The following SRGAP3 variants were observed in gnomAD, a reference collection of about 807,000 sequenced individuals.
SRGAP3 encodes the protein SLIT-ROBO Rho GTPase-activating protein 3.
In SRGAP3, 39 loss-of-function variants were observed where a neutral mutation model predicts 121.1. The ratio of observed to expected loss-of-function variants is 0.32; its 90% CI spans 0.25 to 0.42. The LOEUF is 0.42. SRGAP3 is among the 10% of genes least tolerant of loss of function. SRGAP3 has a pLI of 1.00. For missense variants in SRGAP3, 1,213 were observed against 1,470.6 expected (o/e 0.82, Z 2.86); for synonymous variants, 601 against 570.0 (o/e 1.05, Z -0.77).
chr3:9,028,130 T>C, intron 12 of SRGAP3: 1 of 1,614,146 alleles, frequency 6.2e-7, no homozygotes, highest in South Asian at 1.1e-5. Context: ...TTCTTCTTCC[T>C]CTGATAACAA....
intron 1 of SRGAP3, among the ~76,000 whole-genome samples, chr3:9,201,290 T>G (rs1952060601): frequency 6.6e-6 from 1 of 152,128 alleles, no homozygotes; most frequent in Non-Finnish European, 1.5e-5. Context: ...AAAGGGACTG[T>G]AAGCTCCTCC....
chr3:9,119,320 A>T (rs1345353063), intron 2 of SRGAP3, among the ~76,000 whole-genome samples: 3 of 152,156 alleles, frequency 2.0e-5, no homozygotes, highest in Admixed American at 2.0e-4. Context: ...CTGGAGAGCT[A>T]TACCCACATG....
At chr3:9,273,626 T>C (rs1334717959) in intron 3 of SRGAP3, among the ~76,000 whole-genome samples, 1 of 152,228 alleles carries the variant, frequency 6.6e-6, no homozygotes, top group Admixed American at 6.5e-5. Flanking sequence ...TCTTTTGCTG[T>C]CTGTGCTTTT....
At position 9,333,097 on chromosome 3, in the gene SRGAP3, C is replaced by T. The variant is rs149841503; in HGVS notation, n.215-2501G>A. On this transcript the variant is annotated intron_variant and non_coding_transcript_variant, in intron 1 of 3. Transcript: ENST00000490889. Reference sequence around the variant, plus strand: ...TTTTATAAAAACCAGAATATTATCACAGATTAATCAAATTATTAAATTAAA... The same window carrying T: ...TTTTATAAAAACCAGAATATTATCATAGATTAATCAAATTATTAAATTAAA... 3.0e-3 allele frequency among the ~76,000 whole-genome samples: 459 copies of T among 152,274 alleles called. 2 individuals carry two copies. Among genetic ancestry groups the T allele is most frequent in the African/African-American group, 0.01 (436 of 41,542 alleles).
rs777305742 is a variant in SRGAP3, at chr3:9,053,133, C to T, written c.1217G>A (p.Arg406Gln). Residue 406 changes from arginine to glutamine, a missense_variant, in exon 9 of 22, where the codon CGA becomes CAA. Coordinates refer to ENST00000383836, the MANE Select transcript of SRGAP3 (RefSeq NM_014850.4). ...AGCCGACTTGACGGACTCTGTCGAT[C>T]GACTGTGTTGGAAGGCATCGGAGAC... ...FDVSDAFQHS[R>Q]STESVKSAAS... 27 of 1,614,180 alleles carry T rather than the reference C, an allele frequency of 1.7e-5. No individual in the cohort carries two copies. The East Asian group carries it at 4.7e-4, about 28-fold the overall frequency.
intron 21 of SRGAP3, among the ~76,000 whole-genome samples, chr3:8,986,292 A>G (rs1275865949): frequency 6.6e-6 from 1 of 152,192 alleles, no homozygotes; most frequent in Non-Finnish European, 1.5e-5. Context: ...TAAATGGCAG[A>G]TAATTATAAT....
chr3:9,141,567 TGTGTGTGTGTG>T (rs1489175410), intron 1 of SRGAP3, among the ~76,000 whole-genome samples: 3 of 148,814 alleles, frequency 2.0e-5, no homozygotes, highest in African/African-American at 7.6e-5. Context: ...TGTGTGTGTG[TGTGTGTGTGTG>T]TGTGTGTGTG....
intron 3 of SRGAP3, among the ~76,000 whole-genome samples, chr3:9,310,807 T>C (rs1469748811): frequency 6.6e-6 from 1 of 152,230 alleles, no homozygotes; most frequent in African/African-American, 2.4e-5. Context: ...TAGAAGGTGA[T>C]AATTCCCTTG....
intron 15 of SRGAP3, 108 bp from the exon 16 acceptor site, chr3:9,013,950 G>T: frequency 2.1e-6 from 2 of 975,270 alleles, no homozygotes; most frequent in Non-Finnish European, 3.2e-6. Flanking sequence ...GGGGGAGCCA[G>T]CTCTACTCTT....
chr3:9,351,165 C>T (rs2030121133), intron 1 of SRGAP3, among the ~76,000 whole-genome samples: 1 of 152,154 alleles, frequency 6.6e-6, no homozygotes, highest in African/African-American at 2.4e-5. Flanking sequence ...CTGCCACATT[C>T]TAGGGGGTCA....
intron 3 of SRGAP3, among the ~76,000 whole-genome samples, chr3:9,260,732 CTT>C (rs1458557789): frequency 1.3e-5 from 2 of 152,222 alleles, no homozygotes; most frequent in African/African-American, 4.8e-5. Flanking sequence ...CTTCAACAGA[CTT>C]AAACGTTCCT....
chr3:9,116,956 T>C (rs1948827043), intron 2 of SRGAP3, among the ~76,000 whole-genome samples: 1 of 152,330 alleles, frequency 6.6e-6, no homozygotes, highest in South Asian at 2.1e-4. Flanking sequence ...GTACAGCACT[T>C]GGTCCACGGT....
At chr3:9,277,082 A>G (rs746218809) in intron 3 of SRGAP3, among the ~76,000 whole-genome samples, 2 of 152,202 alleles carry the variant, frequency 1.3e-5, no homozygotes, top group African/African-American at 4.8e-5. Context: ...AATAATACCT[A>G]TTATAAAAGA....
chr3:9,085,624 A>C (rs1947429743), intron 3 of SRGAP3, among the ~76,000 whole-genome samples: 2 of 152,360 alleles, frequency 1.3e-5, no homozygotes, highest in Middle Eastern at 3.4e-3. Context: ...ATGGAATACT[A>C]TGCAGCCATA....
At chr3:9,344,962 G>C (rs1955858061) in intron 1 of SRGAP3, among the ~76,000 whole-genome samples, 1 of 151,996 alleles carries the variant, frequency 6.6e-6, no homozygotes, top group Admixed American at 6.6e-5. Context: ...ACTTGAACCT[G>C]GGAGACAGAG....
chr3:8,997,105 A>T (rs1942453859), intron 18 of SRGAP3, among the ~76,000 whole-genome samples: 1 of 152,242 alleles, frequency 6.6e-6, no homozygotes, highest in Admixed American at 6.5e-5. Flanking sequence ...TGGTGGAAAC[A>T]GTAATAACAG....
chr3:8,985,655 G>C lies in SRGAP3; in HGVS notation c.3164C>G (p.Pro1055Arg), dbSNP rs774821295. 2 of 1,595,678 alleles carry C rather than the reference G, an allele frequency of 1.3e-6. No homozygotes were observed. The highest frequency in any genetic ancestry group is 3.3e-5 in the Admixed American group (2 of 59,802). Residue 1055 changes from proline to arginine, a missense_variant, in exon 22 of 22, where the codon CCC becomes CGC. This residue lies in a region of SRGAP3 where 420 missense variants were observed against 437.7 expected (regional missense o/e 0.96). Transcript: ENST00000383836. This position sits in a 1 kb window ranked among gnomAD's most constrained non-coding sequence, Gnocchi z 5.1. ...CACCGGCCGCACGGGCCGCATGGGGGGCGGGCGGAGCTGGGCGCCAGCCAG... is the reference window on the plus strand; with the variant it reads ...CACCGGCCGCACGGGCCGCATGGGGCGCGGGCGGAGCTGGGCGCCAGCCAG... ...ARLAGAQLRP[P>R]PMRPVRPVVQ...
chr3:9,261,289 TCTC>T lies in SRGAP3; in HGVS notation n.442+64718_442+64720del, dbSNP rs1354572556. On this transcript the variant is annotated intron_variant and non_coding_transcript_variant, in intron 3 of 3. Transcript: ENST00000490889. ...AAATTCCAAAAACCAGAATGCCTCT[TCTC>T]CTCCAAAGGATCAAAACTCCTCACA... is the stretch of plus-strand genomic sequence containing the variant. 5.9e-5 allele frequency among the ~76,000 whole-genome samples: 9 copies of T among 151,928 alleles called. 1 individual carries two copies. Among genetic ancestry groups the T allele is most frequent in the Admixed American group, 2.0e-4 (3 of 15,244 alleles).
intron 1 of SRGAP3, among the ~76,000 whole-genome samples, chr3:9,189,507 G>C (rs1951692215): frequency 6.6e-6 from 1 of 152,156 alleles, no homozygotes; most frequent in Non-Finnish European, 1.5e-5. Flanking sequence ...TAGATTATTA[G>C]ATCAATACAA....
Sources: gnomAD v4.1 joint callset for allele counts (sites outside exome capture counted in the v4.1 genomes callset) on GRCh38, gnomAD v4.1.1 for gene constraint, gnomAD v4.1.1 regional missense constraint, Gnocchi (gnomAD v3.1) non-coding constraint, MANE v1.5 for transcripts, NCBI Gene and HGNC (gene_info 2026-07-23, HGNC 2026-07-21) for gene names.